SYNE2: variants seen among roughly 807,000 people sequenced by gnomAD.
The protein encoded by SYNE2 is nesprin-2.
Under a neutral mutation model 856.3 loss-of-function variants are expected in SYNE2, and 431 were observed. The observed-to-expected ratio is 0.50, with a 90% CI of 0.47 to 0.55. The LOEUF (loss-of-function observed/expected upper bound fraction) is 0.55. Ranked by LOEUF, SYNE2 falls within the 20% of genes least tolerant of loss-of-function variation. The probability of loss-of-function intolerance (pLI) is 0.00; values close to 1 mark genes in which losing one functional copy is unlikely to be tolerated. For synonymous variants in SYNE2, 2,923 were observed against 2,872.3 expected (o/e 1.02, Z -0.56); for missense variants, 8,129 against 8,023.2 (o/e 1.01, Z -0.50).
At chr14:64,141,821 T>G (rs1305360800) in intron 81 of SYNE2, 121 bp from the exon 82 acceptor site, 2 of 1,324,196 alleles carry the variant, frequency 1.5e-6, no homozygotes, top group African/African-American at 3.0e-5. Flanking sequence ...TGTTTTTTTT[T>G]TGAGTAACCT....
In SYNE2 at chr14:63,941,680, T is replaced by C. The variant is rs375539652; in HGVS notation, c.142-15T>C. The C allele has an allele frequency of 6.2e-7, 1 of 1,608,264 alleles. No individual in the cohort carries two copies. The highest frequency in any genetic ancestry group is 8.5e-7 in the Non-Finnish European group (1 of 1,174,982). ...CCAAAGTTTGAATGATTATTTTTCT[T>C]GTGACCTTCTGCAGCACACTTCTCC... is the stretch of plus-strand genomic sequence containing the variant. On this transcript the variant is annotated splice_polypyrimidine_tract_variant and intron_variant, in intron 3 of 115. Coordinates refer to ENST00000555002, the MANE Select transcript of SYNE2 (RefSeq NM_182914.3).
At chr14:64,157,770 T>C (rs746709030) in intron 85 of SYNE2, among the ~76,000 whole-genome samples, 1 of 152,226 alleles carries the variant, frequency 6.6e-6, no homozygotes, top group Non-Finnish European at 1.5e-5. Context: ...ATTATGGCCA[T>C]CAAAGTGGAT....
At chr14:64,086,702 CTTTTTTTTTTTTTTTT>C (rs56168321) in intron 57 of SYNE2, among the ~76,000 whole-genome samples, 3 of 64,668 alleles carry the variant, frequency 4.6e-5, no homozygotes, top group Middle Eastern at 0.011. Context: ...GTATGCAGGT[CTTTTTTTTTTTTTTTT>C]TTTTTTTTTG....
At chr14:64,157,909 C>T (rs1474738441) in intron 85 of SYNE2, among the ~76,000 whole-genome samples, 1 of 152,114 alleles carries the variant, frequency 6.6e-6, no homozygotes, top group African/African-American at 2.4e-5. Context: ...TTCCTTTGCC[C>T]AGTTTTTAGT....
intron 1 of SYNE2, among the ~76,000 whole-genome samples, chr14:63,837,154 C>A (rs771391607): frequency 2.0e-5 from 3 of 152,094 alleles, no homozygotes; most frequent in Admixed American, 6.6e-5. Flanking sequence ...ATATTATGGT[C>A]AATTGATTTT....
At chr14:63,951,950 T>G (rs2096168352) in intron 7 of SYNE2, among the ~76,000 whole-genome samples, 1 of 152,254 alleles carries the variant, frequency 6.6e-6, no homozygotes, top group Non-Finnish European at 1.5e-5. Context: ...CACATCTTCT[T>G]AAGTAATTCA....
intron 1 of SYNE2, among the ~76,000 whole-genome samples, chr14:63,894,393 AT>A (rs953313299): frequency 1.3e-5 from 2 of 150,386 alleles, no homozygotes; most frequent in African/African-American, 4.9e-5. Flanking sequence ...ATTAAAAACA[AT>A]TTTTTTTTCT....
intron 39 of SYNE2, 38 bp downstream of exon 39, chr14:64,024,497 T>C (rs2096962129): frequency 1.3e-6 from 2 of 1,587,256 alleles, no homozygotes; most frequent in African/African-American, 1.3e-5. Flanking sequence ...ACATGTTTTC[T>C]AACCATATCT....
chr14:64,213,233 G>A (rs1296582469), intron 105 of SYNE2, among the ~76,000 whole-genome samples: 3 of 152,186 alleles, frequency 2.0e-5, no homozygotes, highest in Non-Finnish European at 4.4e-5. Flanking sequence ...CTTCTGAGGC[G>A]CATGCTCCAC....
chr14:64,127,402 C>T (rs930853861), intron 73 of SYNE2, among the ~76,000 whole-genome samples: 2 of 151,564 alleles, frequency 1.3e-5, no homozygotes, highest in Non-Finnish European at 2.9e-5. Flanking sequence ...TAGATCCCAT[C>T]TCAAAAAAAG....
At chr14:64,131,591 T>G (rs1210725925) in intron 76 of SYNE2, among the ~76,000 whole-genome samples, 2 of 152,156 alleles carry the variant, frequency 1.3e-5, no homozygotes, top group African/African-American at 4.8e-5. Context: ...TTTGTTTTTG[T>G]TTTTTTAAGA....
chr14:63,829,983 G>A (rs1451766816), intron 1 of SYNE2, among the ~76,000 whole-genome samples: 1 of 152,082 alleles, frequency 6.6e-6, no homozygotes, highest in Admixed American at 6.6e-5. Flanking sequence ...AATTAATCTG[G>A]AATGTTATTT....
intron 1 of SYNE2, among the ~76,000 whole-genome samples, chr14:63,821,517 GT>G: frequency 6.6e-6 from 1 of 152,162 alleles, no homozygotes; most frequent in Admixed American, 6.6e-5. Context: ...GCTTTAGGAG[GT>G]TGAGGTGGAT....
Position 63,960,080 on chromosome 14 carries a change from C to T in SYNE2, c.788-1445C>T, listed in dbSNP as rs560405497. On this transcript the variant is annotated intron_variant, in intron 8 of 115. Coordinates refer to ENST00000555002, the MANE Select transcript of SYNE2 (RefSeq NM_182914.3). ...ATATTGTTAACACATTTAATCTTCACGTGTGGCTTCGTATATAATAAGTTT... is the reference window on the plus strand; with the variant it reads ...ATATTGTTAACACATTTAATCTTCATGTGTGGCTTCGTATATAATAAGTTT... Among the ~76,000 whole-genome samples, 5 of 152,302 alleles carry T rather than the reference C, an allele frequency of 3.3e-5. 1 individual carries two copies. Among genetic ancestry groups the T allele is most frequent in the African/African-American group, 7.2e-5 (3 of 41,574 alleles).
At chr14:64,058,462 C>G (rs1555457150) in intron 49 of SYNE2, among the ~76,000 whole-genome samples, 1 of 152,028 alleles carries the variant, frequency 6.6e-6, no homozygotes, top group Non-Finnish European at 1.5e-5. Context: ...TTATCTCTCC[C>G]TCTACCTCCT....
At chr14:64,005,679 T>G (rs200142354) in intron 30 of SYNE2, among the ~76,000 whole-genome samples, 1 of 152,222 alleles carries the variant, frequency 6.6e-6, no homozygotes, top group East Asian at 1.9e-4. Context: ...TTATTAGACA[T>G]TCAAGCAGCA....
chr14:63,974,880 GTGTGTGTGTGTGTATATATATATATATA>G (rs2096525092), intron 11 of SYNE2, among the ~76,000 whole-genome samples: 7 of 28,566 alleles, frequency 2.5e-4, no homozygotes, highest in Admixed American at 1.6e-3. Context: ...GTGTGTGTGT[GTGTGTGTGTGTGTATATATATATATATA>G]TATATATATG....
rs1293703754 is a variant in SYNE2, at chr14:63,768,527, T to C, written c.-305+6541T>C. Among the ~76,000 whole-genome samples, 4 of 152,334 alleles carry C rather than the reference T, an allele frequency of 2.6e-5. No individual in the cohort carries two copies. In the East Asian group the frequency reaches 5.8e-4, roughly 22 times the overall value. On this transcript the variant is annotated intron_variant, in intron 1 of 23. Coordinates refer to the SYNE2 transcript ENST00000674003. ...AGTGCATAGCATAGAGCCTCATTAG[T>C]TCAATAAATAGATGAAAATGTATCA...
rs776091736 is a variant in SYNE2, at chr14:64,093,615, G to A, written c.12108+135G>A. On this transcript the variant is annotated intron_variant, in intron 61 of 115. Coordinates refer to ENST00000555002, the MANE Select transcript of SYNE2 (RefSeq NM_182914.3). ...ACCTGTTTCTCTGTAACAATTGAAG[G>A]TATTTCTGTGTGTGTTTACTTTCCA... The A allele has an allele frequency of 5.5e-6, 5 of 913,478 alleles. No homozygotes were observed. The African/African-American group carries it at 8.3e-5, about 15-fold the overall frequency. 56.6% of individuals were successfully genotyped at this position (913,478 alleles called of 1,614,324 possible).
Sources: allele counts gnomAD v4.1 joint callset (sites outside exome capture counted in the v4.1 genomes callset), GRCh38; gene constraint gnomAD v4.1.1; transcripts MANE v1.5; gene names NCBI Gene and HGNC (gene_info 2026-07-23, HGNC 2026-07-21).